MROH7: variants seen among roughly 807,000 people sequenced by gnomAD.
MROH7 encodes the protein maestro heat like repeat family member 7.
MROH7 carries 113 observed loss-of-function variants against 129.2 expected under a neutral mutation model. The ratio of observed to expected loss-of-function variants is 0.87; its 90% confidence interval spans 0.75 to 1.02. The LOEUF (loss-of-function observed/expected upper bound fraction) is 1.02. Ranked by LOEUF, MROH7 falls within the 50% of genes least tolerant of loss-of-function variation. MROH7 has a pLI of 0.00. For missense variants in MROH7, 1,601 were observed against 1,671.3 expected (o/e 0.96, Z 0.73); for synonymous variants, 655 against 667.9 (o/e 0.98, Z 0.30).
At chr1:54,656,458 C>T (rs572434684) in intron 3 of MROH7, among the ~76,000 whole-genome samples, 2 of 144,686 alleles carry the variant, frequency 1.4e-5, no homozygotes, top group East Asian at 4.1e-4. Flanking sequence ...TGCAGTGAGC[C>T]GAGATTGAGC....
At chr1:54,648,832 G>A (rs1444013615) in intron 1 of MROH7, among the ~76,000 whole-genome samples, 1 of 152,182 alleles carries the variant, frequency 6.6e-6, no homozygotes, top group African/African-American at 2.4e-5. Context: ...AATGGGGAGA[G>A]ATTTGAGAGC....
Position 54,673,193 on chromosome 1 carries a change from A to C in MROH7, c.1695+7A>C. ...GCTGAAGAGCATCTTGGAGGTGCGG[A>C]GATGGGAGGGGCAAGGAAGGGAGGG... On this transcript the variant is annotated splice_region_variant and intron_variant, in intron 8 of 23. Transcript: ENST00000421030. The C allele has an allele frequency of 6.2e-7, 1 of 1,606,110 alleles. No homozygotes were observed. The highest frequency in any genetic ancestry group is 1.1e-5 in the South Asian group (1 of 90,532).
chr1:54,697,655 A>ATTAGTGAAATT, intron 17 of MROH7: 1 of 703,346 alleles, frequency 1.4e-6, no homozygotes, highest in South Asian at 1.5e-5. Flanking sequence ...CTGCACAGCA[A>ATTAGTGAAATT]CCCTGCGAAG....
intron 14 of MROH7, among the ~76,000 whole-genome samples, chr1:54,683,743 G>A (rs557211148): frequency 6.6e-6 from 1 of 152,200 alleles, no homozygotes; most frequent in Admixed American, 6.5e-5. Context: ...ACGCTATCTT[G>A]TCACAGGGCC....
intron 1 of MROH7, among the ~76,000 whole-genome samples, chr1:54,648,344 ATTTATTTATTTAT>A (rs1390400407): frequency 1.0e-5 from 1 of 97,946 alleles, no homozygotes; most frequent in Non-Finnish European, 2.6e-5. Flanking sequence ...AATTTTATTT[ATTTATTTATTTAT>A]TTATTTATTT....
At position 54,706,509 on chromosome 1, in the gene MROH7, C is replaced by T. The variant is rs367749262; in HGVS notation, c.3639C>T (p.Ser1213=). The T allele has an allele frequency of 5.2e-5, 84 of 1,613,486 alleles. No homozygotes were observed. Among genetic ancestry groups the T allele is most frequent in the Non-Finnish European group, 4.2e-5 (49 of 1,179,932 alleles). Residue 1213 remains serine, a synonymous_variant, in exon 22 of 24, where the codon TCC becomes TCT. Coordinates refer to ENST00000421030, the MANE Select transcript of MROH7 (RefSeq NM_001039464.4). ...SLEYAKNSRA[S]LRKCSVMFIG... ...AGTATGCCAAGAACTCACGGGCCTCCCTCCGGAAGTGCTCAGTCATGTTCA... is the reference window on the plus strand; with the variant it reads ...AGTATGCCAAGAACTCACGGGCCTCTCTCCGGAAGTGCTCAGTCATGTTCA...
chr1:54,685,206 G>A (rs1167911315), intron 14 of MROH7, among the ~76,000 whole-genome samples: 2 of 152,056 alleles, frequency 1.3e-5, no homozygotes, highest in Admixed American at 6.6e-5. Flanking sequence ...TAGTAGAGAC[G>A]GGGTTTCCCC....
rs750428757 is a variant in MROH7 at position 54,704,793 on chromosome 1, C to CTTTTTTTTTTTTT, written c.3565-1631_3565-1619dup. ...ACATGAATTAGCATTCAATGTAGCT[C>CTTTTTTTTTTTTT]TTTTTTTTTTTTTTTTTTTTTTTGA... On this transcript the variant is annotated intron_variant, in intron 21 of 23. Transcript: ENST00000421030. Among the ~76,000 whole-genome samples, 19 of 67,830 alleles carry CTTTTTTTTTTTTT rather than the reference C, an allele frequency of 2.8e-4. 2 individuals are homozygous for CTTTTTTTTTTTTT. Among genetic ancestry groups the CTTTTTTTTTTTTT allele is most frequent in the African/African-American group, 7.1e-4 (11 of 15,442 alleles). The allele number at this position is 67,830 out of a possible 152,430, so 44.5% of individuals were successfully genotyped here.
Position 54,710,078 on chromosome 1 carries a change from C to G in MROH7, c.3863C>G (p.Ala1288Gly). ...GGGAACTCATGGGTGTGTTACTCAG[C>G]CACCACCCACCGCTGGAGCCCCAGC... is the stretch of plus-strand genomic sequence containing the variant. ...PHGNSWVCYS[A>G]TTHRWSPSCE... Residue 1288 changes from alanine (A) to glycine (G), a missense_variant, in exon 24 of 24, where the codon GCC (alanine) becomes GGC (glycine). Physicochemically the swap from Ala to Gly is moderately conservative, Grantham distance 60. Transcript: ENST00000421030. The G allele has an allele frequency of 6.2e-7, 1 of 1,614,026 alleles. No homozygotes were observed. Among genetic ancestry groups the G allele is most frequent in the Non-Finnish European group, 8.5e-7 (1 of 1,179,998 alleles).
chr1:54,695,524 C>A, intron 17 of MROH7, 34 bp downstream of exon 17: 1 of 1,426,448 alleles, frequency 7.0e-7, no homozygotes, highest in Non-Finnish European at 9.9e-7. Context: ...ACAGCGGGAG[C>A]TCCTCCCGGG....
At chr1:54,644,087 A>G (rs183676693) in intron 1 of MROH7, among the ~76,000 whole-genome samples, 402 of 152,034 alleles carry the variant, frequency 2.6e-3, no homozygotes, top group Non-Finnish European at 4.7e-3. Flanking sequence ...GGATCTGTAT[A>G]TTTATGTTTT....
intron 22 of MROH7, among the ~76,000 whole-genome samples, chr1:54,707,725 C>T (rs551695773): frequency 1.6e-4 from 25 of 152,276 alleles, no homozygotes; most frequent in African/African-American, 6.0e-4. Flanking sequence ...GTGAGTAGAG[C>T]CTTGATCTGC....
At chr1:54,658,498 C>T (rs1356455341) in intron 3 of MROH7, among the ~76,000 whole-genome samples, 2 of 152,152 alleles carry the variant, frequency 1.3e-5, no homozygotes, top group Non-Finnish European at 2.9e-5. Flanking sequence ...TGTCCATTTG[C>T]TTGTTTAAAA....
intron 19 of MROH7, 127 bp from the exon 20 acceptor site, chr1:54,701,963 G>T (rs376187973): frequency 1.3e-6 from 1 of 770,764 alleles, no homozygotes; most frequent in Non-Finnish European, 1.9e-6. Flanking sequence ...GTTAGTGGGG[G>T]TCTGGCTGGG....
chr1:54,664,447 C>T (rs1644780926), intron 3 of MROH7, among the ~76,000 whole-genome samples: 1 of 152,142 alleles, frequency 6.6e-6, no homozygotes, highest in South Asian at 2.1e-4. Flanking sequence ...CTTAGTGGGG[C>T]AAGGAGGTAT....
intron 3 of MROH7, 149 bp from the exon 4 acceptor site, chr1:54,665,018 A>T (rs928562205): frequency 1.7e-5 from 10 of 585,972 alleles, no homozygotes; most frequent in Non-Finnish European, 3.1e-5. Flanking sequence ...GACTGTCTCA[A>T]AAAAAAGGAA....
chr1:54,650,458 C>G (rs555792874), intron 1 of MROH7, among the ~76,000 whole-genome samples: 3 of 152,248 alleles, frequency 2.0e-5, no homozygotes, highest in Non-Finnish European at 2.9e-5. Context: ...AATACCTCAT[C>G]AAATGAAGAA....
chr1:54,703,157 C>T lies in MROH7; in HGVS notation c.3564+412C>T, dbSNP rs1302280579. ...TTTTCCCTCCCCACCCTGCTGCCAT[C>T]GTTGCCCTTAATTCAGGGCACCGAC... On this transcript the variant is annotated intron_variant, in intron 21 of 23. Coordinates refer to ENST00000421030, the MANE Select transcript of MROH7 (RefSeq NM_001039464.4). This position sits in a 1 kb window ranked among gnomAD's most constrained non-coding sequence, Gnocchi z 4.4. 6.6e-6 allele frequency among the ~76,000 whole-genome samples: 1 copy of T among 152,150 alleles called. No individual in the cohort carries two copies. Among genetic ancestry groups the T allele is most frequent in the Admixed American group, 6.5e-5 (1 of 15,280 alleles).
intron 21 of MROH7, among the ~76,000 whole-genome samples, chr1:54,705,946 C>A (rs1645526413): frequency 6.6e-6 from 1 of 152,218 alleles, no homozygotes; most frequent in Non-Finnish European, 1.5e-5. Flanking sequence ...CTACCTCTGT[C>A]AGACTATTTT....
Sources: gnomAD v4.1 joint callset for allele counts (sites outside exome capture counted in the v4.1 genomes callset) on GRCh38, gnomAD v4.1.1 for gene constraint, Gnocchi (gnomAD v3.1) non-coding constraint, MANE v1.5 for transcripts, NCBI Gene and HGNC (gene_info 2026-07-23, HGNC 2026-07-21) for gene names.